Variants in LARGE1 observed in about 807,000 individuals in gnomAD.
LARGE1 encodes xylosyl- and glucuronyltransferase LARGE1.
A neutral mutation model predicts 87.6 loss-of-function variants in LARGE1; 43 were observed. That is an observed-to-expected ratio of 0.49 (90% CI 0.38 to 0.63). The LOEUF (loss-of-function observed/expected upper bound fraction) is 0.63, where lower values mean the gene tolerates loss of function less well. Among genes scored for constraint, LARGE1 ranks in the 30% least tolerant of loss-of-function variants. The pLI is 0.00. For missense variants in LARGE1, 802 were observed against 1,000.2 expected, an observed-to-expected ratio of 0.80 and a Z score of 2.67; for synonymous variants, 434 against 394.6, an observed-to-expected ratio of 1.10 and a Z score of -1.18.
intron 1 of LARGE1, among the ~76,000 whole-genome samples, chr22:33,816,896 G>T (rs1471310429): frequency 6.6e-6 from 1 of 152,100 alleles, no homozygotes; most frequent in African/African-American, 2.4e-5. Flanking sequence ...CTAACGCACT[G>T]CCAACCTCCT....
At chr22:33,369,874 C>A (rs2064744628) in intron 9 of LARGE1, among the ~76,000 whole-genome samples, 1 of 151,604 alleles carries the variant, frequency 6.6e-6, no homozygotes, top group Non-Finnish European at 1.5e-5. Context: ...TGGCCTAAAT[C>A]AGTTGACTTT....
chr22:33,271,531 C>T (rs1449060185), downstream of LARGE1, among the ~76,000 whole-genome samples: 1 of 152,220 alleles, frequency 6.6e-6, no homozygotes. Context: ...ATGAGGGAAC[C>T]TTGTCCTTCC....
chr22:33,419,900 G>A (rs2066632914), intron 7 of LARGE1, among the ~76,000 whole-genome samples: 2 of 152,042 alleles, frequency 1.3e-5, no homozygotes, highest in Admixed American at 1.3e-4. Flanking sequence ...CACCATGTTG[G>A]CCAGGCTGGT....
At chr22:33,820,583 T>C (rs2086788832) in intron 1 of LARGE1, among the ~76,000 whole-genome samples, 1 of 152,078 alleles carries the variant, frequency 6.6e-6, no homozygotes, top group African/African-American at 2.4e-5. Context: ...CGCCTCAGCC[T>C]CCCGAAGTGC....
At chr22:33,128,689 A>C in the LARGE1 span, among the ~76,000 whole-genome samples, 119 of 144,166 alleles carry the variant, frequency 8.3e-4, 1 homozygote, top group East Asian at 4.6e-3. Context: ...ACAAAAAAAA[A>C]AAAAAAAAGA....
intron 1 of LARGE1, among the ~76,000 whole-genome samples, chr22:33,794,953 C>A (rs2085935363): frequency 6.6e-6 from 1 of 152,170 alleles, no homozygotes; most frequent in Admixed American, 6.5e-5. Flanking sequence ...TAAAAAGGAA[C>A]ACTATTCATA....
chr22:33,651,244 T>TAAAAAAAAAAAAAAAAAAAAAAA (rs2080800105), intron 2 of LARGE1, among the ~76,000 whole-genome samples: 1 of 43,256 alleles, frequency 2.3e-5, no homozygotes. Flanking sequence ...AAAAAAAAAT[T>TAAAAAAAAAAAAAAAAAAAAAAA]AGCCGGGCTT....
the LARGE1 span, among the ~76,000 whole-genome samples, chr22:33,112,188 C>A: frequency 2.6e-5 from 4 of 152,210 alleles, no homozygotes; most frequent in African/African-American, 9.6e-5. Context: ...GGCTGATGAA[C>A]TAGTCCAGAG....
intron 6 of LARGE1, among the ~76,000 whole-genome samples, chr22:33,434,172 G>A (rs1474322719): frequency 6.6e-6 from 1 of 152,168 alleles, no homozygotes; most frequent in African/African-American, 2.4e-5. Context: ...GTCCTGTCCT[G>A]ATGCTATGAC....
At chr22:33,094,957 G>A in the LARGE1 span, among the ~76,000 whole-genome samples, 1 of 152,194 alleles carries the variant, frequency 6.6e-6, no homozygotes, top group Non-Finnish European at 1.5e-5. Context: ...GACCTCCAGT[G>A]ATCCTCCCAC....
In LARGE1 at chr22:33,273,094, T is replaced by G. The variant is rs1568999597; in HGVS notation, c.*1333A>C. On this transcript the variant is annotated 3_prime_UTR_variant, in exon 15 of 15. Transcript: ENST00000397394. ...AGGGGAATGGGGAAGAAACAGTCTG[T>G]ACTTTCATTTATTAAATGCAGCTTT... is the stretch of plus-strand genomic sequence containing the variant. 1.2e-5 allele frequency: 3 copies of G among 254,356 alleles called. No individual in the cohort carries two copies. Among genetic ancestry groups the G allele is most frequent in the African/African-American group, 6.7e-5 (3 of 44,946 alleles). 15.8% of individuals were successfully genotyped at this position (254,356 alleles called of 1,614,324 possible). A position where few individuals can be genotyped will look rare whatever the true frequency, so the allele number is the denominator to read the frequency against.
intron 6 of LARGE1, among the ~76,000 whole-genome samples, chr22:33,432,571 T>C (rs1319514130): frequency 1.5e-5 from 2 of 134,384 alleles, no homozygotes; most frequent in African/African-American, 6.2e-5. Context: ...AATCATTCAT[T>C]CATTCATTCA....
At chr22:33,511,944 ACCTGAG>A in intron 6 of LARGE1, among the ~76,000 whole-genome samples, 1 of 152,144 alleles carries the variant, frequency 6.6e-6, no homozygotes, top group Admixed American at 6.6e-5. Flanking sequence ...TCTTTATTGT[ACCTGAG>A]GCCCAGGAAA....
At chr22:33,119,861 G>T in the LARGE1 span, among the ~76,000 whole-genome samples, 1 of 152,094 alleles carries the variant, frequency 6.6e-6, no homozygotes, top group Non-Finnish European at 1.5e-5. Flanking sequence ...TTGTGGCCTT[G>T]GCTGCCCTGT....
the LARGE1 span, among the ~76,000 whole-genome samples, chr22:33,134,548 C>T: frequency 3.9e-5 from 6 of 152,108 alleles, no homozygotes; most frequent in African/African-American, 1.2e-4. Flanking sequence ...TGAGCCACAG[C>T]GCCCGGCCAA....
intron 5 of LARGE1, among the ~76,000 whole-genome samples, chr22:33,590,269 C>T (rs915414595): frequency 1.6e-4 from 24 of 152,226 alleles, no homozygotes; most frequent in Non-Finnish European, 2.5e-4. Context: ...TTGATTTAGT[C>T]TAAAATTAAC....
intron 11 of LARGE1, among the ~76,000 whole-genome samples, chr22:33,175,710 G>A (rs544575291): frequency 6.6e-6 from 1 of 152,228 alleles, no homozygotes; most frequent in East Asian, 1.9e-4. Flanking sequence ...AATCAATATC[G>A]TGAAAATAGC....
rs377418890 is a variant in LARGE1 at position 33,711,616 on chromosome 22, C to T, written c.106+49755G>A. ...CTGAGACCAGACTAAAAGGAAAGAG[C>T]ACAGAGAAGGGAAAAGGTAAGAATA... On this transcript the variant is annotated intron_variant, in intron 2 of 14. Transcript: ENST00000397394. Among the ~76,000 whole-genome samples the T allele has an allele frequency of 3.3e-5, 5 of 152,232 alleles. No homozygotes were observed. In the East Asian group the frequency reaches 5.8e-4, roughly 18 times the overall value.
At chr22:33,625,049 T>C (rs896431787) in intron 4 of LARGE1, among the ~76,000 whole-genome samples, 20 of 152,190 alleles carry the variant, frequency 1.3e-4, no homozygotes, top group Admixed American at 1.0e-3. Context: ...GTTTATGCCA[T>C]TGACAGATTC....
Sources: gnomAD v4.1 joint callset for allele counts (sites outside exome capture counted in the v4.1 genomes callset) on GRCh38, gnomAD v4.1.1 for gene constraint, MANE v1.5 for transcripts, NCBI Gene and HGNC (gene_info 2026-07-23, HGNC 2026-07-21) for gene names.